FREM3: variants seen among roughly 807,000 people sequenced by gnomAD.
FREM3 encodes the protein FRAS1 related extracellular matrix 3.
FREM3 carries 105 observed loss-of-function variants against 129.1 expected under a neutral mutation model. The ratio of observed to expected loss-of-function variants is 0.81; its 90% CI spans 0.69 to 0.96. The LOEUF (loss-of-function observed/expected upper bound fraction) is 0.96. Among genes scored for constraint, FREM3 ranks in the 40% least tolerant of loss-of-function variants. The pLI is 0.00. For missense variants in FREM3, 2,593 were observed against 2,666.3 expected (o/e 0.97, Z 0.61); for synonymous variants, 1,014 against 1,044.9 (o/e 0.97, Z 0.57).
At chr4:143,649,016 G>C (rs1420220591) in intron 2 of FREM3, among the ~76,000 whole-genome samples, 1 of 151,952 alleles carries the variant, frequency 6.6e-6, no homozygotes, top group Non-Finnish European at 1.5e-5. Flanking sequence ...CTCCTGTCTT[G>C]GCTTCCAAAA....
At chr4:143,622,365 A>G (rs564205664) in intron 4 of FREM3, among the ~76,000 whole-genome samples, 1 of 146,416 alleles carries the variant, frequency 6.8e-6, no homozygotes, top group Non-Finnish European at 1.5e-5. Context: ...AAGTGCTGGG[A>G]TTACAGGAAT....
chr4:143,689,930 G>C (rs936794151), intron 2 of FREM3, among the ~76,000 whole-genome samples: 6 of 150,762 alleles, frequency 4.0e-5, no homozygotes, highest in African/African-American at 1.5e-4. Context: ...TCGGGTGATG[G>C]GTACATGAAC....
chr4:143,637,132 T>C (rs953507580), intron 2 of FREM3, among the ~76,000 whole-genome samples: 3 of 152,212 alleles, frequency 2.0e-5, no homozygotes, highest in African/African-American at 7.2e-5. Flanking sequence ...TTAGCAATTG[T>C]CACATAGTGT....
intron 2 of FREM3, among the ~76,000 whole-genome samples, chr4:143,675,686 C>A (rs924302726): frequency 1.3e-5 from 2 of 152,000 alleles, no homozygotes; most frequent in African/African-American, 4.8e-5. Context: ...CAAACAGATG[C>A]AATAAAAAAT....
intron 3 of FREM3, among the ~76,000 whole-genome samples, chr4:143,624,594 T>A (rs1322993038): frequency 6.6e-6 from 1 of 152,208 alleles, no homozygotes; most frequent in Admixed American, 6.5e-5. Flanking sequence ...TTAACTTATT[T>A]ATTCTAGCAC....
intron 2 of FREM3, among the ~76,000 whole-genome samples, chr4:143,690,841 A>G (rs2149862220): frequency 6.6e-6 from 1 of 152,160 alleles, no homozygotes; most frequent in East Asian, 1.9e-4. Flanking sequence ...TGCATGGTAC[A>G]TGGAAGGCAA....
intron 2 of FREM3, among the ~76,000 whole-genome samples, chr4:143,676,297 A>T (rs1444056198): frequency 6.6e-6 from 1 of 152,214 alleles, no homozygotes; most frequent in Non-Finnish European, 1.5e-5. Flanking sequence ...AAACCACATG[A>T]TTATCTCAAT....
intron 2 of FREM3, among the ~76,000 whole-genome samples, chr4:143,642,114 C>T (rs911839658): frequency 2.0e-5 from 3 of 152,158 alleles, no homozygotes; most frequent in African/African-American, 7.2e-5. Context: ...AAGACCTCTA[C>T]ACTGAAAACT....
Position 143,699,891 on chromosome 4 carries a change from C to T in FREM3, c.785G>A (p.Arg262His), listed in dbSNP as rs1339828831. The T allele has an allele frequency of 6.5e-7, 1 of 1,536,704 alleles. No homozygotes were observed. Among genetic ancestry groups the T allele is most frequent in the Non-Finnish European group, 8.7e-7 (1 of 1,146,828 alleles). Reference protein sequence around the residue: ...YQHTATSSPNRDYVPMMVELL... With the variant: ...YQHTATSSPNHDYVPMMVELL... Reference sequence around the variant, plus strand: ...CTCCACCATCATGGGCACGTAGTCACGGTTGGGCGAGGAGGTGGCTGTGTG... The same window carrying T: ...CTCCACCATCATGGGCACGTAGTCATGGTTGGGCGAGGAGGTGGCTGTGTG... Residue 262 changes from arginine (R) to histidine (H), a missense_variant, in exon 1 of 8, where the codon CGT (arginine) becomes CAT (histidine). Transcript: ENST00000329798. The surrounding 1 kb of genome is among the most constrained non-coding windows in gnomAD (Gnocchi z 4.2).
rs114082195 is a variant in FREM3, at chr4:143,697,530, C to T, written c.3146G>A (p.Gly1049Glu). Reference protein sequence around the residue: ...LSKDSYQWVVGNSIIEKVQVQ... With the variant: ...LSKDSYQWVVENSIIEKVQVQ... ...CTGTACTTTCTCTATTATGCTATTC[C>T]CCACTACCCATTGGTAAGAATCTTT... The change falls in exon 1 of 8, where the codon GGG becomes GAG. Residue 1049 changes from glycine to glutamate, a missense_variant. Coordinates refer to ENST00000329798, the MANE Select transcript of FREM3 (RefSeq NM_001168235.2). 1,847 of 1,537,262 alleles carry T rather than the reference C, an allele frequency of 1.2e-3. 21 individuals carry two copies. The African/African-American group carries it at 0.023, about 19-fold the overall frequency.
intron 5 of FREM3, among the ~76,000 whole-genome samples, chr4:143,617,610 AT>A (rs1473181970): frequency 6.6e-6 from 1 of 151,422 alleles, no homozygotes; most frequent in Non-Finnish European, 1.5e-5. Flanking sequence ...TTTAACTAAG[AT>A]TTCCTCTTGA....
At chr4:143,605,908 G>A (rs1738660368) in intron 6 of FREM3, among the ~76,000 whole-genome samples, 2 of 152,106 alleles carry the variant, frequency 1.3e-5, no homozygotes, top group Non-Finnish European at 2.9e-5. Context: ...GTACCCAGAT[G>A]TTTTCTTGGG....
chr4:143,683,325 C>G (rs1204450803), intron 2 of FREM3, among the ~76,000 whole-genome samples: 1 of 152,186 alleles, frequency 6.6e-6, no homozygotes, highest in Non-Finnish European at 1.5e-5. Context: ...CCTGCAGGAC[C>G]TGGGAGAGTC....
At chr4:143,681,961 A>G (rs1217181399) in intron 2 of FREM3, among the ~76,000 whole-genome samples, 1 of 152,176 alleles carries the variant, frequency 6.6e-6, no homozygotes, top group Non-Finnish European at 1.5e-5. Flanking sequence ...TCTTTTGTCT[A>G]CTTGTTGGAT....
chr4:143,660,728 T>C (rs551556597), intron 2 of FREM3, among the ~76,000 whole-genome samples: 3 of 152,006 alleles, frequency 2.0e-5, no homozygotes, highest in African/African-American at 2.4e-5. Flanking sequence ...ATGGAATGTT[T>C]TTCCATTTTT....
chr4:143,677,681 T>C (rs1452948591), intron 2 of FREM3, among the ~76,000 whole-genome samples: 1 of 152,048 alleles, frequency 6.6e-6, no homozygotes, highest in Admixed American at 6.6e-5. Flanking sequence ...TACAAAGAAT[T>C]CAAACAAATT....
At chr4:143,618,350 C>G (rs1395333395) in intron 5 of FREM3, among the ~76,000 whole-genome samples, 1 of 117,742 alleles carries the variant, frequency 8.5e-6, no homozygotes, top group East Asian at 2.5e-4. Context: ...ACACCTGAGC[C>G]TTGACCCCGA....
chr4:143,646,961 G>T (rs1739429037), intron 2 of FREM3, among the ~76,000 whole-genome samples: 2 of 152,142 alleles, frequency 1.3e-5, no homozygotes, highest in Admixed American at 1.3e-4. Context: ...GAAAAGTTTA[G>T]AACTTCCTAG....
intron 2 of FREM3, among the ~76,000 whole-genome samples, chr4:143,667,435 A>T (rs1220224007): frequency 1.3e-5 from 2 of 152,212 alleles, no homozygotes; most frequent in Non-Finnish European, 2.9e-5. Context: ...TTAAAAAAAA[A>T]GGAACTGGGA....
Sources: allele counts gnomAD v4.1 joint callset (sites outside exome capture counted in the v4.1 genomes callset), GRCh38; gene constraint gnomAD v4.1.1; non-coding constraint Gnocchi (gnomAD v3.1); transcripts MANE v1.5; gene names NCBI Gene and HGNC (gene_info 2026-07-23, HGNC 2026-07-21).